The following SLC9A1 variants were observed in gnomAD, a reference collection of about 807,000 sequenced individuals.
The protein encoded by SLC9A1 is sodium/hydrogen exchanger 1.
A neutral mutation model predicts 67.9 loss-of-function variants in SLC9A1; 22 were observed. The observed-to-expected ratio is 0.32, with a 90% CI of 0.23 to 0.46. The LOEUF (loss-of-function observed/expected upper bound fraction) is 0.46, where lower values mean the gene tolerates loss of function less well. Among genes scored for constraint, SLC9A1 ranks in the 20% least tolerant of loss-of-function variants. The pLI, the probability that SLC9A1 is intolerant of heterozygous loss-of-function variation, is 1.00. For synonymous variants in SLC9A1, 421 were observed against 471.8 expected, an observed-to-expected ratio of 0.89 and a Z score of 1.40; for missense variants, 686 against 1,094.8, an observed-to-expected ratio of 0.63 and a Z score of 5.27.
At position 27,100,317 on chromosome 1, in the gene SLC9A1, T is replaced by C. The variant is rs756907314; in HGVS notation, c.2438A>G (p.Lys813Arg). 1 of 1,528,792 alleles carries C rather than the reference T, an allele frequency of 6.5e-7. No individual in the cohort carries two copies. The highest frequency in any genetic ancestry group is 8.8e-7 in the Non-Finnish European group (1 of 1,138,472). 94.7% of individuals were successfully genotyped at this position (1,528,792 alleles called of 1,614,324 possible). ...EPGEGEPFFP[K>R]GQ ...CTGCTGGCCCTGGTGTTACTGCCCC[T>C]TGGGGAAGAACGGTTCTCCCTCCCC... is the stretch of plus-strand genomic sequence containing the variant. Residue 813 changes from lysine to arginine, a missense_variant, in exon 12 of 12, where the codon AAG becomes AGG. By Grantham distance (26) the Lys-to-Arg change is conservative. Around this residue, in one of 7 missense-constraint regions of SLC9A1, gnomAD observed 226 missense variants for 282.4 expected, o/e 0.80. Transcript: ENST00000263980. The surrounding 1 kb of genome is among the most constrained non-coding windows in gnomAD (Gnocchi z 5.6).
At chr1:27,138,042 T>C (rs1297123583) in intron 1 of SLC9A1, among the ~76,000 whole-genome samples, 1 of 152,222 alleles carries the variant, frequency 6.6e-6, no homozygotes, top group Admixed American at 6.5e-5. Context: ...GCCCAGGGCC[T>C]GAGCCGACTC....
chr1:27,136,918 C>T (rs2083423830), intron 1 of SLC9A1, among the ~76,000 whole-genome samples: 1 of 152,184 alleles, frequency 6.6e-6, no homozygotes. Flanking sequence ...GTTCCCCCAT[C>T]TTCAGGAAAG....
intron 1 of SLC9A1, among the ~76,000 whole-genome samples, chr1:27,149,770 G>T (rs531843338): frequency 6.6e-6 from 1 of 152,222 alleles, no homozygotes; most frequent in African/African-American, 2.4e-5. Flanking sequence ...GTACTGAGAG[G>T]CAGCATCAGG....
Position 27,101,141 on chromosome 1 carries a change from C to T in SLC9A1, c.2110+62G>A. On this transcript the variant is annotated intron_variant, in intron 11 of 11. Transcript: ENST00000263980. The surrounding 1 kb of genome is among the most constrained non-coding windows in gnomAD (Gnocchi z 4.9). ...TGGCTGAGGACTGTTCCTGTGGAGC[C>T]CCATCCTCAGGAGGTGGCAGCTCAG... The T allele has an allele frequency of 7.8e-7, 1 of 1,283,096 alleles. No homozygotes were observed. 79.5% of individuals were successfully genotyped at this position (1,283,096 alleles called of 1,614,324 possible). A position where few individuals can be genotyped will look rare whatever the true frequency, so the allele number is the denominator to read the frequency against.
chr1:27,101,298 T>C lies in SLC9A1; in HGVS notation c.2038-23A>G. The C allele has an allele frequency of 1.9e-6, 3 of 1,602,528 alleles. No homozygotes were observed. The highest frequency in any genetic ancestry group is 2.6e-6 in the Non-Finnish European group (3 of 1,172,506). On this transcript the variant is annotated intron_variant, in intron 10 of 11. Transcript: ENST00000263980. This position sits in a 1 kb window ranked among gnomAD's most constrained non-coding sequence, Gnocchi z 4.9. ...GATCTGACAGAGAGGACAGACGGGG[T>C]GAGCACAGGCAGCTGGGCAGAGGGA...
rs1410582918 is a variant in SLC9A1 at position 27,100,715 on chromosome 1, C to T, written c.2111-71G>A. 31 of 1,273,474 alleles carry T rather than the reference C, an allele frequency of 2.4e-5. No individual in the cohort carries two copies. The highest frequency in any genetic ancestry group is 4.1e-5 in the South Asian group (3 of 72,606). 78.9% of individuals were successfully genotyped at this position (1,273,474 alleles called of 1,614,324 possible). A position where few individuals can be genotyped will look rare whatever the true frequency, so the allele number is the denominator to read the frequency against. ...CGGCCCAGCACGTGCCACTCGGCCG[C>T]GTCAGTGCCTCCTTCAGGCCTTCTC... On this transcript the variant is annotated intron_variant, in intron 11 of 11. Coordinates refer to ENST00000263980, the MANE Select transcript of SLC9A1 (RefSeq NM_003047.5). The surrounding 1 kb of genome is among the most constrained non-coding windows in gnomAD (Gnocchi z 5.6).
chr1:27,152,180 G>A (rs921921486), intron 1 of SLC9A1, among the ~76,000 whole-genome samples: 3 of 152,184 alleles, frequency 2.0e-5, no homozygotes, highest in Non-Finnish European at 4.4e-5. Flanking sequence ...CTTGGGTGGT[G>A]ACAAAGCAGG....
intron 5 of SLC9A1, among the ~76,000 whole-genome samples, chr1:27,104,788 T>G (rs1319286927): frequency 3.3e-5 from 5 of 152,154 alleles, no homozygotes; most frequent in Non-Finnish European, 7.4e-5. Flanking sequence ...TAGGGCTTTT[T>G]GAGTATCAGT....
At chr1:27,103,358 C>T in intron 5 of SLC9A1, 46 bp from the exon 6 acceptor site, 2 of 1,384,332 alleles carry the variant, frequency 1.4e-6, no homozygotes, top group Non-Finnish European at 2.1e-6. Flanking sequence ...GCTACCCAGG[C>T]AGGGAGGCCA....
intron 1 of SLC9A1, among the ~76,000 whole-genome samples, chr1:27,132,769 C>T (rs777705682): frequency 1.4e-4 from 21 of 152,336 alleles, no homozygotes; most frequent in Middle Eastern, 3.4e-3. Context: ...CCCTCCCCAA[C>T]TCCCACCCTA....
At position 27,106,470 on chromosome 1, in the gene SLC9A1, A is replaced by G. The variant is rs1386951118; in HGVS notation, c.1283-383T>C. Reference sequence around the variant, plus strand: ...TTCTAAGTACTTGAAATTTTCCATAATAAAGCATAAAAAATGCAGAGGGCT... The same window carrying G: ...TTCTAAGTACTTGAAATTTTCCATAGTAAAGCATAAAAAATGCAGAGGGCT... On this transcript the variant is annotated intron_variant, in intron 4 of 11. Coordinates refer to ENST00000263980, the MANE Select transcript of SLC9A1 (RefSeq NM_003047.5). The surrounding 1 kb of genome is among the most constrained non-coding windows in gnomAD (Gnocchi z 4.3). 6.6e-6 allele frequency among the ~76,000 whole-genome samples: 1 copy of G among 152,108 alleles called. No homozygotes were observed. The highest frequency in any genetic ancestry group is 1.9e-4 in the East Asian group (1 of 5,202).
chr1:27,143,735 A>G (rs1249098768), intron 1 of SLC9A1, among the ~76,000 whole-genome samples: 1 of 152,368 alleles, frequency 6.6e-6, no homozygotes, highest in East Asian at 1.9e-4. Context: ...AGCAAAGGTC[A>G]ATATGCAGGA....
In SLC9A1 at chr1:27,154,249, A is replaced by G; in HGVS notation, c.86T>C (p.Leu29Pro). 6.2e-7 allele frequency: 1 copy of G among 1,613,984 alleles called. No homozygotes were observed. The highest frequency in any genetic ancestry group is 8.5e-7 in the Non-Finnish European group (1 of 1,179,916). The change falls in exon 1 of 12, where the codon CTG (leucine) becomes CCG (proline). Residue 29 changes from leucine to proline, a missense_variant. By Grantham distance (98) the Leu-to-Pro change is moderately conservative. Around this residue, in one of 7 missense-constraint regions of SLC9A1, gnomAD observed 143 missense variants for 166.7 expected, o/e 0.86. Transcript: ENST00000263980. ...LLVVVALVGLLPVLRSHGLQL... is the reference protein window; with the variant it reads ...LLVVVALVGLPPVLRSHGLQL... Reference sequence around the variant, plus strand: ...GAGGCCATGGCTCCTGAGAACAGGCAGCAGCCCCACCAAAGCAACCACCAC... The same window carrying G: ...GAGGCCATGGCTCCTGAGAACAGGCGGCAGCCCCACCAAAGCAACCACCAC...
chr1:27,132,463 G>C (rs1457413452), intron 1 of SLC9A1, among the ~76,000 whole-genome samples: 1 of 152,064 alleles, frequency 6.6e-6, no homozygotes, highest in Non-Finnish European at 1.5e-5. Context: ...AGGTCACCCG[G>C]TTCCACTGCT....
At chr1:27,129,298 G>A (rs554212559) in intron 1 of SLC9A1, among the ~76,000 whole-genome samples, 36 of 152,342 alleles carry the variant, frequency 2.4e-4, no homozygotes, top group African/African-American at 7.7e-4. Context: ...TGTGGTGGGA[G>A]AGACAGGGCA....
chr1:27,119,551 T>C (rs564996066), intron 1 of SLC9A1, among the ~76,000 whole-genome samples: 1 of 152,338 alleles, frequency 6.6e-6, no homozygotes, highest in African/African-American at 2.4e-5. Flanking sequence ...TACTTCCCAA[T>C]GAAAGCCCAG....
rs935553043 is a variant in SLC9A1 at position 27,155,112 on chromosome 1, G to A, written c.-778C>T. Among the ~76,000 whole-genome samples the A allele has an allele frequency of 6.6e-6, 1 of 152,026 alleles. No homozygotes were observed. The highest frequency in any genetic ancestry group is 2.1e-4 in the South Asian group (1 of 4,830). ...CAGAACTAACCCTAGCCCCGGCCCC[G>A]GCGGCAGCAGACTGAAGCCTAGCTG... is the stretch of plus-strand genomic sequence containing the variant. On this transcript the variant is annotated 5_prime_UTR_variant, in exon 1 of 12. Transcript: ENST00000263980. This position sits in a 1 kb window ranked among gnomAD's most constrained non-coding sequence, Gnocchi z 4.5.
intron 1 of SLC9A1, among the ~76,000 whole-genome samples, chr1:27,133,073 T>C (rs2083396885): frequency 7.0e-6 from 1 of 142,928 alleles, no homozygotes; most frequent in Admixed American, 7.0e-5. Context: ...TTCCTGATTC[T>C]TTTTTTTTTT....
In SLC9A1 at chr1:27,100,208, G is replaced by T; in HGVS notation, c.*99C>A. 1 of 872,062 alleles carries T rather than the reference G, an allele frequency of 1.1e-6. No homozygotes were observed. The highest frequency in any genetic ancestry group is 1.7e-6 in the Non-Finnish European group (1 of 592,738). The allele number at this position is 872,062 out of a possible 1,614,324, so 54.0% of individuals were successfully genotyped here. A position where few individuals can be genotyped will look rare whatever the true frequency, so the allele number is the denominator to read the frequency against. On this transcript the variant is annotated 3_prime_UTR_variant, in exon 12 of 12. Coordinates refer to ENST00000263980, the MANE Select transcript of SLC9A1 (RefSeq NM_003047.5). The surrounding 1 kb of genome is among the most constrained non-coding windows in gnomAD (Gnocchi z 5.6). Reference sequence around the variant, plus strand: ...CTGCCATGCGGTAGGGGGAGGGGCAGGGCCAATCCGGGTCAGGAAGGGCAA... The same window carrying T: ...CTGCCATGCGGTAGGGGGAGGGGCATGGCCAATCCGGGTCAGGAAGGGCAA...
Sources: allele counts gnomAD v4.1 joint callset (sites outside exome capture counted in the v4.1 genomes callset), GRCh38; gene constraint gnomAD v4.1.1; regional missense constraint gnomAD v4.1.1; non-coding constraint Gnocchi (gnomAD v3.1); transcripts MANE v1.5; gene names NCBI Gene and HGNC (gene_info 2026-07-23, HGNC 2026-07-21).